PRKCZ: variants seen among roughly 807,000 people sequenced by gnomAD.
PRKCZ encodes the protein protein kinase C zeta type.
A neutral mutation model predicts 79.5 loss-of-function variants in PRKCZ; 33 were observed. That is an observed-to-expected ratio of 0.41 (90% CI 0.31 to 0.55). The LOEUF is 0.55. Ranked by LOEUF, PRKCZ falls within the 20% of genes least tolerant of loss-of-function variation. The probability of loss-of-function intolerance (pLI) is 0.19; values close to 1 mark genes in which losing one functional copy is unlikely to be tolerated. For missense variants in PRKCZ, 578 were observed against 813.5 expected (o/e 0.71, Z 3.52); for synonymous variants, 342 against 320.9 (o/e 1.07, Z -0.70).
At chr1:2,085,128 G>A (rs186331273) in intron 4 of PRKCZ, among the ~76,000 whole-genome samples, 2 of 152,152 alleles carry the variant, frequency 1.3e-5, no homozygotes, top group African/African-American at 2.4e-5. Context: ...GGTAGGGGGC[G>A]ATTCCTCTGT....
chr1:2,055,803 G>A, intron 2 of PRKCZ: 1 of 491,330 alleles, frequency 2.0e-6, no homozygotes, highest in Non-Finnish European at 3.5e-6. Context: ...GCCTGCAGGG[G>A]GTCTCCCTGC....
At chr1:2,126,094 T>TCAGCACAG (rs927849080) in intron 4 of PRKCZ, among the ~76,000 whole-genome samples, 1 of 152,028 alleles carries the variant, frequency 6.6e-6, no homozygotes, top group African/African-American at 2.4e-5. Flanking sequence ...CGGGGGCTTC[T>TCAGCACAG]CAGCACAGCA....
In PRKCZ at chr1:2,082,161, G is replaced by A. The variant is rs1663660051; in HGVS notation, c.334+22570G>A. ...GGACGTGGTCAGGGGTGCTGGACGC[G>A]TCAGACGGGTTCTTTGCAGCCCTTG... On this transcript the variant is annotated intron_variant, in intron 4 of 17. Transcript: ENST00000378567. This position sits in a 1 kb window ranked among gnomAD's most constrained non-coding sequence, Gnocchi z 4.4. 6 of 346,384 alleles carry A rather than the reference G, an allele frequency of 1.7e-5. No homozygotes were observed. The highest frequency in any genetic ancestry group is 4.3e-5 in the South Asian group (2 of 46,424). The allele number at this position is 346,384 out of a possible 1,614,324, so 21.5% of individuals were successfully genotyped here.
In PRKCZ at chr1:2,105,126, T is replaced by G. The variant is rs191831418; in HGVS notation, c.335-30136T>G. On this transcript the variant is annotated intron_variant, in intron 4 of 17. Transcript: ENST00000378567. ...GTGCCATGAAGCAATTTCCCATCCC[T>G]GTGGCTTTGAAGGCATAAGTCACTG... Among the ~76,000 whole-genome samples the G allele has an allele frequency of 3.0e-3, 455 of 152,210 alleles. 3 individuals carry two copies. The highest frequency in any genetic ancestry group is 0.01 in the African/African-American group (430 of 41,516).
At chr1:2,088,267 G>C (rs1108262) in intron 4 of PRKCZ, among the ~76,000 whole-genome samples, 64,276 of 151,872 alleles carry the variant, frequency 0.42, 15,439 homozygotes, top group East Asian at 0.96. Flanking sequence ...CCTCCTCACT[G>C]CTCCCTCCCC....
At chr1:2,057,291 G>T (rs1312654318) in intron 3 of PRKCZ, among the ~76,000 whole-genome samples, 1 of 152,166 alleles carries the variant, frequency 6.6e-6, no homozygotes, top group African/African-American at 2.4e-5. Flanking sequence ...TTAGGTGGGC[G>T]TGGGCTCCTC....
At chr1:2,148,990 G>A in intron 8 of PRKCZ, 66 bp downstream of exon 8, 1 of 1,533,788 alleles carries the variant, frequency 6.5e-7, no homozygotes, top group East Asian at 2.3e-5. Context: ...GCCTGTCTCT[G>A]GGGTAGTCAC....
chr1:2,055,419 GC>G (rs766257731), intron 1 of PRKCZ, 21 bp from the exon 2 acceptor site: 1 of 1,579,660 alleles, frequency 6.3e-7, no homozygotes. Context: ...GGTAACAGAT[GC>G]CCATGTCCCC....
chr1:2,074,193 T>G (rs1352419797), intron 4 of PRKCZ: 1 of 1,550,104 alleles, frequency 6.5e-7, no homozygotes, highest in Non-Finnish European at 8.7e-7. Flanking sequence ...GGGTGACAGA[T>G]TTTTAGAAAA....
chr1:2,092,175 T>C (rs1665637140), intron 4 of PRKCZ, among the ~76,000 whole-genome samples: 1 of 151,804 alleles, frequency 6.6e-6, no homozygotes, highest in Non-Finnish European at 1.5e-5. Context: ...ATCCAGCCCC[T>C]TCCCAGGGCT....
chr1:2,160,928 C>T (rs1475866704), intron 10 of PRKCZ, among the ~76,000 whole-genome samples: 1 of 152,060 alleles, frequency 6.6e-6, no homozygotes, highest in African/African-American at 2.4e-5. Flanking sequence ...TGGGGTGCTG[C>T]CTCCTCAGGG....
At chr1:2,147,118 T>A (rs196127) in intron 7 of PRKCZ, among the ~76,000 whole-genome samples, 35,615 of 151,928 alleles carry the variant, frequency 0.23, 4,739 homozygotes, top group Admixed American at 0.33. Context: ...TCCACTGACC[T>A]CTCCATCTAT....
chr1:2,144,667 G>T, intron 6 of PRKCZ: 1 of 1,107,716 alleles, frequency 9.0e-7, no homozygotes, highest in Non-Finnish European at 1.1e-6. Flanking sequence ...TAAGGACTGT[G>T]GAGGTGAAAG....
intron 4 of PRKCZ, among the ~76,000 whole-genome samples, chr1:2,114,605 C>G (rs573017967): frequency 6.6e-6 from 1 of 152,244 alleles, no homozygotes; most frequent in East Asian, 1.9e-4. Context: ...GAAATCCAGT[C>G]TCTACTAAAA....
At position 2,082,044 on chromosome 1, in the gene PRKCZ, G is replaced by A. The variant is rs1663634108; in HGVS notation, c.334+22453G>A. Among the ~76,000 whole-genome samples the A allele has an allele frequency of 6.6e-6, 1 of 152,252 alleles. No homozygotes were observed. ...TTCATATTAAAGCAGGCTTGATCCGGGCTGCCGTGGTTCCGATCGACTCCG... is the reference window on the plus strand; with the variant it reads ...TTCATATTAAAGCAGGCTTGATCCGAGCTGCCGTGGTTCCGATCGACTCCG... On this transcript the variant is annotated intron_variant, in intron 4 of 17. Transcript: ENST00000378567. The surrounding 1 kb of genome is among the most constrained non-coding windows in gnomAD (Gnocchi z 4.4).
intron 10 of PRKCZ, among the ~76,000 whole-genome samples, chr1:2,164,906 C>T (rs1486326892): frequency 6.6e-6 from 1 of 152,122 alleles, no homozygotes; most frequent in African/African-American, 2.4e-5. Context: ...CTTGCCTTCT[C>T]CTCTGCTCAA....
At chr1:2,099,251 C>T (rs1324374042) in intron 4 of PRKCZ, among the ~76,000 whole-genome samples, 1 of 152,196 alleles carries the variant, frequency 6.6e-6, no homozygotes, top group Non-Finnish European at 1.5e-5. Flanking sequence ...TGGGAATTTT[C>T]AGTGCGATGC....
chr1:2,131,646 A>G (rs1674972553), intron 4 of PRKCZ, among the ~76,000 whole-genome samples: 1 of 152,172 alleles, frequency 6.6e-6, no homozygotes, highest in Non-Finnish European at 1.5e-5. Context: ...ATCGATGGAC[A>G]CTGCCCCCGG....
intron 4 of PRKCZ, among the ~76,000 whole-genome samples, chr1:2,091,413 G>T (rs1343434475): frequency 2.6e-5 from 4 of 152,192 alleles, no homozygotes; most frequent in African/African-American, 9.7e-5. Flanking sequence ...GTGTAGTTCA[G>T]TAAAGTAAAT....
Sources: allele counts gnomAD v4.1 joint callset (sites outside exome capture counted in the v4.1 genomes callset), GRCh38; gene constraint gnomAD v4.1.1; non-coding constraint Gnocchi (gnomAD v3.1); transcripts MANE v1.5; gene names NCBI Gene and HGNC (gene_info 2026-07-23, HGNC 2026-07-21).